CEP135: variants seen among roughly 807,000 people sequenced by gnomAD.
The protein encoded by CEP135 is centrosomal protein of 135 kDa.
Under a neutral mutation model 157.3 loss-of-function variants are expected in CEP135, and 142 were observed. The observed-to-expected ratio is 0.90, with a 90% CI of 0.79 to 1.04. CEP135 has a LOEUF of 1.04. Ranked by LOEUF, CEP135 falls within the 50% of genes least tolerant of loss-of-function variation. CEP135 has a pLI of 0.00. For synonymous variants in CEP135, 396 were observed against 439.8 expected (o/e 0.90, Z 1.25); for missense variants, 1,317 against 1,309.2 (o/e 1.01, Z -0.09).
chr4:55,996,341 T>G (rs1729969411), intron 15 of CEP135, among the ~76,000 whole-genome samples: 1 of 152,170 alleles, frequency 6.6e-6, no homozygotes, highest in Non-Finnish European at 1.5e-5. Flanking sequence ...AGGCTGTTCT[T>G]GAGCTCCTGG....
intron 6 of CEP135, among the ~76,000 whole-genome samples, chr4:55,962,538 A>G (rs1432322128): frequency 6.6e-6 from 1 of 152,088 alleles, no homozygotes; most frequent in Non-Finnish European, 1.5e-5. Flanking sequence ...AACCTATTGT[A>G]GTCTGTCTTC....
chr4:55,998,703 A>G (rs944795596), intron 15 of CEP135, among the ~76,000 whole-genome samples: 1 of 152,166 alleles, frequency 6.6e-6, no homozygotes, highest in Non-Finnish European at 1.5e-5. Flanking sequence ...CGTCTCTACT[A>G]AAAATAGAAA....
Position 56,019,422 on chromosome 4 carries a change from C to A in CEP135, c.3082C>A (p.His1028Asn). 1 of 1,613,834 alleles carries A rather than the reference C, an allele frequency of 6.2e-7. No homozygotes were observed. Reference sequence around the variant, plus strand: ...GAAAAAACAACTTTCAAATGAGAGACATACAGTTAAAAACCTCGAATCATT... The same window carrying A: ...GAAAAAACAACTTTCAAATGAGAGAAATACAGTTAAAAACCTCGAATCATT... ...LLKKQLSNER[H>N]TVKNLESLLA... The change falls in exon 23 of 26, where the codon CAT (histidine) becomes AAT (asparagine). Residue 1028 changes from histidine (H) to asparagine (N), a missense_variant. Coordinates refer to ENST00000257287, the MANE Select transcript of CEP135 (RefSeq NM_025009.5).
chr4:55,987,216 A>T (rs1383344452), intron 14 of CEP135, among the ~76,000 whole-genome samples: 1 of 152,196 alleles, frequency 6.6e-6, no homozygotes, highest in East Asian at 1.9e-4. Flanking sequence ...TGATGGGCAC[A>T]GGAACTTTTC....
rs760030506 is a variant in CEP135, at chr4:55,999,608, A to T, written c.2243A>T (p.Glu748Val). The T allele has an allele frequency of 1.2e-6, 2 of 1,600,248 alleles. No individual in the cohort carries two copies. The highest frequency in any genetic ancestry group is 2.3e-5 in the South Asian group (2 of 88,020). The change falls in exon 17 of 26, where the codon GAA becomes GTA. Residue 748 changes from glutamate to valine, a missense_variant. Physicochemically the swap from Glu to Val is moderately radical, Grantham distance 121. Coordinates refer to ENST00000257287, the MANE Select transcript of CEP135 (RefSeq NM_025009.5). ...FLQETVDEKT[E>V]KIANLQENLA... Reference sequence around the variant, plus strand: ...CAGGAGACTGTAGATGAGAAGACAGAAAAGATTGCAAATTTGCAAGAAAAC... The same window carrying T: ...CAGGAGACTGTAGATGAGAAGACAGTAAAGATTGCAAATTTGCAAGAAAAC...
chr4:55,982,603 G>A (rs1729449006), intron 13 of CEP135, among the ~76,000 whole-genome samples: 1 of 152,028 alleles, frequency 6.6e-6, no homozygotes, highest in African/African-American at 2.4e-5. Context: ...ATTCGTTGCC[G>A]ATTTTTAAAT....
intron 17 of CEP135, among the ~76,000 whole-genome samples, chr4:56,004,791 T>G (rs1264795532): frequency 6.6e-6 from 1 of 152,196 alleles, no homozygotes; most frequent in Non-Finnish European, 1.5e-5. Flanking sequence ...TATTTGTGTC[T>G]TTATAGGTGA....
intron 1 of CEP135, among the ~76,000 whole-genome samples, chr4:55,950,394 C>A (rs1239874950): frequency 6.6e-6 from 1 of 152,038 alleles, no homozygotes; most frequent in Non-Finnish European, 1.5e-5. Context: ...TTGTGAAGAA[C>A]AACAGATGTA....
At chr4:56,023,631 A>G (rs1001089134) in intron 24 of CEP135, among the ~76,000 whole-genome samples, 1 of 145,756 alleles carries the variant, frequency 6.9e-6, no homozygotes, top group Admixed American at 7.0e-5. Flanking sequence ...ATAACATAGT[A>G]ATATGTAATA....
At chr4:55,970,629 C>T (rs1191812007) in intron 9 of CEP135, among the ~76,000 whole-genome samples, 41 of 152,056 alleles carry the variant, frequency 2.7e-4, no homozygotes, top group Admixed American at 2.5e-3. Context: ...AGAACTGTGA[C>T]CAAGTTTTAG....
intron 8 of CEP135, 143 bp downstream of exon 8, chr4:55,966,002 G>A (rs192275862): frequency 6.3e-4 from 409 of 652,232 alleles, no homozygotes; most frequent in Middle Eastern, 4.5e-3. Context: ...GTAATTCAGG[G>A]TTTTCTGAAG....
intron 11 of CEP135, among the ~76,000 whole-genome samples, chr4:55,978,764 G>T (rs1449653946): frequency 9.2e-5 from 14 of 152,102 alleles, no homozygotes; most frequent in Non-Finnish European, 1.5e-5. Context: ...TGCCCGGGCT[G>T]GTCATGAATT....
intron 15 of CEP135, among the ~76,000 whole-genome samples, chr4:55,998,136 C>T (rs1422744676): frequency 6.6e-6 from 1 of 152,144 alleles, no homozygotes; most frequent in Non-Finnish European, 1.5e-5. Flanking sequence ...ATTCAAACCT[C>T]CTTCCCTTTA....
intron 14 of CEP135, among the ~76,000 whole-genome samples, chr4:55,987,868 A>G (rs947848151): frequency 1.3e-5 from 2 of 152,234 alleles, no homozygotes; most frequent in Non-Finnish European, 2.9e-5. Flanking sequence ...AGGACATAAT[A>G]GAATGTGGGA....
intron 3 of CEP135, 27 bp from the exon 4 acceptor site, chr4:55,954,189 C>T (rs769050610): frequency 2.3e-5 from 35 of 1,533,670 alleles, no homozygotes; most frequent in East Asian, 9.4e-5. Context: ...ATCTTTAAAA[C>T]GGTCTTTGAA....
At chr4:55,956,014 G>A (rs1728492034) in intron 4 of CEP135, among the ~76,000 whole-genome samples, 1 of 152,090 alleles carries the variant, frequency 6.6e-6, no homozygotes, top group South Asian at 2.1e-4. Context: ...CAGATGTGAG[G>A]GAAATTGGTA....
At chr4:55,983,821 G>A (rs990631651) in intron 13 of CEP135, among the ~76,000 whole-genome samples, 1 of 152,038 alleles carries the variant, frequency 6.6e-6, no homozygotes, top group African/African-American at 2.4e-5. Flanking sequence ...TGCCCGACCT[G>A]TAATAGCCTT....
chr4:55,978,545 T>C (rs1326404806), intron 11 of CEP135, among the ~76,000 whole-genome samples: 2 of 152,212 alleles, frequency 1.3e-5, no homozygotes, highest in African/African-American at 2.4e-5. Flanking sequence ...TGCCTCTTTC[T>C]GGAAGATTAT....
At chr4:55,954,190 G>T in intron 3 of CEP135, 26 bp from the exon 4 acceptor site, 2 of 1,534,504 alleles carry the variant, frequency 1.3e-6, no homozygotes, top group Admixed American at 2.2e-5. Flanking sequence ...TCTTTAAAAC[G>T]GTCTTTGAAT....
Sources: gnomAD v4.1 joint callset for allele counts (sites outside exome capture counted in the v4.1 genomes callset) on GRCh38, gnomAD v4.1.1 for gene constraint, MANE v1.5 for transcripts, NCBI Gene and HGNC (gene_info 2026-07-23, HGNC 2026-07-21) for gene names.